The following PCDH9 variants were observed in gnomAD, a reference collection of about 807,000 sequenced individuals.
PCDH9 encodes protocadherin-9.
PCDH9 carries 24 observed loss-of-function variants against 70.6 expected under a neutral mutation model. That is an observed-to-expected ratio of 0.34 (90% CI 0.25 to 0.48). PCDH9 has a LOEUF of 0.48. Among genes scored for constraint, PCDH9 ranks in the 20% least tolerant of loss-of-function variants. The pLI is 0.99. For missense variants in PCDH9, 1,281 were observed against 1,503.6 expected (o/e 0.85, Z 2.45); for synonymous variants, 562 against 558.5 (o/e 1.01, Z -0.09).
At chr13:66,714,610 C>T (rs865830203) in intron 3 of PCDH9, among the ~76,000 whole-genome samples, 2 of 152,146 alleles carry the variant, frequency 1.3e-5, no homozygotes, top group Non-Finnish European at 1.5e-5. Context: ...ATCTGGCTTA[C>T]TTAGGCGTTC....
intron 2 of PCDH9, among the ~76,000 whole-genome samples, chr13:66,964,124 C>G (rs573284280): frequency 6.6e-6 from 1 of 151,804 alleles, no homozygotes; most frequent in East Asian, 1.9e-4. Flanking sequence ...TTCAAAAAAC[C>G]AAAGATAACA....
intron 4 of PCDH9, among the ~76,000 whole-genome samples, chr13:66,522,600 G>A (rs547249104): frequency 6.6e-6 from 1 of 152,160 alleles, no homozygotes; most frequent in South Asian, 2.1e-4. Context: ...TAGTTAAAGA[G>A]ATGAGGTCAT....
intron 3 of PCDH9, among the ~76,000 whole-genome samples, chr13:66,767,849 CA>C (rs2079743329): frequency 6.6e-6 from 1 of 151,932 alleles, no homozygotes; most frequent in Non-Finnish European, 1.5e-5. Context: ...TTATTGAAAC[CA>C]TGTAAATATT....
intron 4 of PCDH9, among the ~76,000 whole-genome samples, chr13:66,491,008 G>A (rs890675101): frequency 6.6e-6 from 1 of 152,136 alleles, no homozygotes; most frequent in African/African-American, 2.4e-5. Context: ...ATAGAAATGA[G>A]ATATACTCTC....
chr13:67,174,438 G>T (rs1236926279), intron 2 of PCDH9, among the ~76,000 whole-genome samples: 6 of 152,010 alleles, frequency 3.9e-5, no homozygotes, highest in Admixed American at 2.6e-4. Context: ...TCTTATTATA[G>T]ATTATAAACA....
chr13:66,986,027 C>A (rs1348720152), intron 2 of PCDH9, among the ~76,000 whole-genome samples: 1 of 151,902 alleles, frequency 6.6e-6, no homozygotes, highest in Non-Finnish European at 1.5e-5. Flanking sequence ...TAAAGAGCTG[C>A]CAGAGACTGG....
chr13:66,714,476 A>AG, intron 3 of PCDH9, among the ~76,000 whole-genome samples: 1 of 151,914 alleles, frequency 6.6e-6, no homozygotes, highest in East Asian at 1.9e-4. Flanking sequence ...AAAAAAAAAA[A>AG]CAAAAAAAGT....
chr13:66,330,673 G>A (rs534712324), intron 4 of PCDH9, among the ~76,000 whole-genome samples: 126 of 152,228 alleles, frequency 8.3e-4, no homozygotes, highest in Non-Finnish European at 2.6e-4. Flanking sequence ...TTCTGGTATA[G>A]TAGAGTTAAA....
At chr13:67,014,033 G>A (rs923802531) in intron 2 of PCDH9, among the ~76,000 whole-genome samples, 5 of 151,996 alleles carry the variant, frequency 3.3e-5, no homozygotes, top group Non-Finnish European at 7.4e-5. Flanking sequence ...TATTCAAGGT[G>A]TTTAAAAACA....
chr13:66,545,552 C>T (rs550591925), intron 4 of PCDH9, among the ~76,000 whole-genome samples: 36 of 152,268 alleles, frequency 2.4e-4, no homozygotes, highest in South Asian at 1.2e-3. Flanking sequence ...TGACAGACCA[C>T]GTCTATAACT....
At chr13:66,868,648 A>C (rs1486753036) in intron 3 of PCDH9, among the ~76,000 whole-genome samples, 3 of 152,106 alleles carry the variant, frequency 2.0e-5, no homozygotes, top group Non-Finnish European at 4.4e-5. Context: ...ACCAACGATA[A>C]ATACTTTACC....
chr13:66,511,897 ACTT>A (rs200656426), intron 4 of PCDH9, among the ~76,000 whole-genome samples: 1,642 of 152,148 alleles, frequency 0.011, 36 homozygotes, highest in East Asian at 0.091. Flanking sequence ...AGCCAATTAA[ACTT>A]CTTTTCTTTA....
At chr13:66,445,447 T>G (rs1958056157) in intron 4 of PCDH9, among the ~76,000 whole-genome samples, 1 of 144,920 alleles carries the variant, frequency 6.9e-6, no homozygotes. Context: ...TAGATGTGTG[T>G]ATATATATAC....
intron 4 of PCDH9, among the ~76,000 whole-genome samples, chr13:66,437,775 C>T (rs965815323): frequency 2.6e-5 from 4 of 152,134 alleles, no homozygotes; most frequent in Admixed American, 6.5e-5. Flanking sequence ...ATGTCTTATG[C>T]CCCGCAATTC....
chr13:67,205,110 G>T (rs919464087), intron 2 of PCDH9: 4 of 152,118 alleles, frequency 2.6e-5, no homozygotes, highest in African/African-American at 7.2e-5. Flanking sequence ...CTTTGCATAT[G>T]CCATGAGCTA....
At chr13:66,413,465 T>C (rs1250963937) in intron 4 of PCDH9, among the ~76,000 whole-genome samples, 8 of 151,952 alleles carry the variant, frequency 5.3e-5, no homozygotes, top group Non-Finnish European at 1.2e-4. Context: ...GGCAGGCAAA[T>C]CATGAGGTCA....
intron 2 of PCDH9, chr13:67,214,935 G>GATAGAT (rs1555321190): frequency 3.4e-5 from 3 of 89,248 alleles, no homozygotes; most frequent in Non-Finnish European, 4.7e-5. Context: ...TTGCGAGCCA[G>GATAGAT]ATATATATAT....
intron 4 of PCDH9, among the ~76,000 whole-genome samples, chr13:66,441,895 T>C (rs1957981146): frequency 6.6e-6 from 1 of 152,172 alleles, no homozygotes; most frequent in Non-Finnish European, 1.5e-5. Context: ...TTATAAGTTT[T>C]AAAATCATTT....
chr13:66,813,534 G>C (rs1236388434), intron 3 of PCDH9, among the ~76,000 whole-genome samples: 1 of 149,764 alleles, frequency 6.7e-6, no homozygotes, highest in African/African-American at 2.5e-5. Context: ...AAAGAAGGAA[G>C]GAAGGAGAGG....
Sources: gnomAD v4.1 joint callset for allele counts (sites outside exome capture counted in the v4.1 genomes callset) on GRCh38, gnomAD v4.1.1 for gene constraint, MANE v1.5 for transcripts, NCBI Gene and HGNC (gene_info 2026-07-23, HGNC 2026-07-21) for gene names.